The following SOX30 variants were observed in gnomAD, a reference collection of about 807,000 sequenced individuals.
SOX30 encodes transcription factor SOX-30.
SOX30 carries 17 observed loss-of-function variants against 58.6 expected under a neutral mutation model. That is an observed-to-expected ratio of 0.29 (90% CI 0.20 to 0.44). SOX30 has a LOEUF of 0.44. Among genes scored for constraint, SOX30 ranks in the 20% least tolerant of loss-of-function variants. SOX30 has a pLI of 1.00. For missense variants in SOX30, 951 were observed against 965.8 expected (o/e 0.98, Z 0.20); for synonymous variants, 421 against 400.2 (o/e 1.05, Z -0.62).
At chr5:157,650,323 A>T (rs1000710261) in intron 1 of SOX30, among the ~76,000 whole-genome samples, 1 of 152,112 alleles carries the variant, frequency 6.6e-6, no homozygotes, top group Non-Finnish European at 1.5e-5. Context: ...CAACACAGAA[A>T]ATTAAAAAAA....
intron 2 of SOX30, 94 bp downstream of exon 2, chr5:157,648,563 T>A (rs999669871): frequency 4.2e-6 from 5 of 1,180,690 alleles, no homozygotes; most frequent in Non-Finnish European, 4.8e-6. Context: ...CAGAAAAAAA[T>A]TATATATTTT....
chr5:157,648,568 T>A, intron 2 of SOX30, 89 bp downstream of exon 2: 1 of 1,219,528 alleles, frequency 8.2e-7, no homozygotes, highest in Non-Finnish European at 1.1e-6. Flanking sequence ...AAAAATTATA[T>A]ATTTTTGTCT....
intron 1 of SOX30, among the ~76,000 whole-genome samples, chr5:157,669,164 T>C (rs1759725519): frequency 1.3e-5 from 2 of 152,110 alleles, no homozygotes; most frequent in African/African-American, 4.8e-5. Context: ...CAAGGCACAA[T>C]GCCTGGGTGC....
chr5:157,633,819 T>C lies in SOX30; in HGVS notation c.1880+4411A>G, dbSNP rs78603277. ...AGTGTATTTTCCATATATTTCAAGA[T>C]AGTAAATCCCCATTTGTCTTCATAT... On this transcript the variant is annotated intron_variant, in intron 4 of 4. Coordinates refer to ENST00000265007, the MANE Select transcript of SOX30 (RefSeq NM_178424.2). Among the ~76,000 whole-genome samples the C allele has an allele frequency of 1.7e-3, 258 of 152,334 alleles. 1 individual carries two copies. Among genetic ancestry groups the C allele is most frequent in the African/African-American group, 5.3e-3 (219 of 41,586 alleles).
chr5:157,658,128 C>T (rs1216818845), intron 2 of SOX30, among the ~76,000 whole-genome samples: 1 of 152,302 alleles, frequency 6.6e-6, no homozygotes, highest in East Asian at 1.9e-4. Flanking sequence ...TATGGCAGGG[C>T]TCAGCTCTGA....
intron 4 of SOX30, among the ~76,000 whole-genome samples, chr5:157,630,311 C>T (rs1174614271): frequency 6.6e-6 from 1 of 152,130 alleles, no homozygotes; most frequent in Admixed American, 6.6e-5. Context: ...GGGATAGTTA[C>T]TATTAATATT....
chr5:157,669,773 C>T (rs1759743319), intron 1 of SOX30, among the ~76,000 whole-genome samples: 1 of 152,080 alleles, frequency 6.6e-6, no homozygotes. Flanking sequence ...CCCGCCTTAG[C>T]CTCACAAAGT....
rs560956495 is a variant in SOX30, at chr5:157,641,131, G to A, written c.1388-2409C>T. ...AGGGTGGGTGCCATGGCTCACATTT[G>A]TAATCCCAACACTTTGGAAGGCCAA... On this transcript the variant is annotated intron_variant, in intron 3 of 4. Transcript: ENST00000265007. Among the ~76,000 whole-genome samples the A allele has an allele frequency of 1.3e-3, 193 of 152,160 alleles. 1 individual carries two copies. The highest frequency in any genetic ancestry group is 4.1e-3 in the African/African-American group (169 of 41,514).
upstream of SOX30, among the ~76,000 whole-genome samples, chr5:157,656,096 C>T (rs766674171): frequency 1.3e-5 from 2 of 152,112 alleles, no homozygotes; most frequent in East Asian, 1.9e-4. Context: ...AGTGGTGGCC[C>T]GGGTTCAGGG....
chr5:157,629,486 G>A (rs1180710592), intron 4 of SOX30, among the ~76,000 whole-genome samples: 1 of 152,150 alleles, frequency 6.6e-6, no homozygotes, highest in East Asian at 1.9e-4. Context: ...GACTATTTTG[G>A]TGTGGTAAAG....
At chr5:157,631,908 T>A (rs1198844184) in intron 4 of SOX30, among the ~76,000 whole-genome samples, 3 of 150,260 alleles carry the variant, frequency 2.0e-5, no homozygotes, top group African/African-American at 4.9e-5. Flanking sequence ...CTGGGCATGG[T>A]GGTGCACACC....
intron 3 of SOX30, among the ~76,000 whole-genome samples, chr5:157,640,281 A>G (rs1295072761): frequency 6.6e-6 from 1 of 152,226 alleles, no homozygotes; most frequent in African/African-American, 2.4e-5. Flanking sequence ...TTAATAAAAA[A>G]TAGTTAAGAA....
rs145648322 is a variant in SOX30, at chr5:157,630,361, G to A, written c.1881-3640C>T. On this transcript the variant is annotated intron_variant, in intron 4 of 4. Transcript: ENST00000265007. ...GCCCTACTTTCTTGTTTCTTTGCAT[G>A]TCTTGTAACTTTTTTGTTGAAAACT... is the stretch of plus-strand genomic sequence containing the variant. Among the ~76,000 whole-genome samples, 441 of 152,230 alleles carry A rather than the reference G, an allele frequency of 2.9e-3. 4 individuals carry two copies. The highest frequency in any genetic ancestry group is 9.8e-3 in the African/African-American group (408 of 41,540).
chr5:157,658,431 A>G (rs1161558198), intron 2 of SOX30, among the ~76,000 whole-genome samples: 1 of 152,196 alleles, frequency 6.6e-6, no homozygotes, highest in African/African-American at 2.4e-5. Context: ...TGAACCAACT[A>G]GTGACATCTG....
intron 2 of SOX30, among the ~76,000 whole-genome samples, chr5:157,662,353 T>G (rs958812635): frequency 6.6e-6 from 1 of 152,194 alleles, no homozygotes; most frequent in Admixed American, 6.5e-5. Context: ...TATTGATTTC[T>G]GCTGTGGTCT....
At chr5:157,664,169 G>T (rs1426570309) in intron 2 of SOX30, among the ~76,000 whole-genome samples, 3 of 151,900 alleles carry the variant, frequency 2.0e-5, no homozygotes, top group African/African-American at 7.3e-5. Context: ...AAGCTGGAGG[G>T]ATCACGCTAC....
At chr5:157,637,630 A>T (rs2113838149) in intron 4 of SOX30, among the ~76,000 whole-genome samples, 1 of 152,320 alleles carries the variant, frequency 6.6e-6, no homozygotes, top group East Asian at 1.9e-4. Context: ...ACCTCAATAC[A>T]TTTGACTAAA....
intron 3 of SOX30, among the ~76,000 whole-genome samples, chr5:157,642,811 C>T (rs1759102186): frequency 1.3e-5 from 2 of 152,116 alleles, no homozygotes; most frequent in Admixed American, 1.3e-4. Context: ...AAAGTCAATA[C>T]TAATTGACTC....
At chr5:157,666,458 A>G (rs1056397069) in intron 2 of SOX30, among the ~76,000 whole-genome samples, 1 of 147,956 alleles carries the variant, frequency 6.8e-6, no homozygotes, top group African/African-American at 2.5e-5. Context: ...TGCCCAGATG[A>G]AAGATTCTTT....
Sources: gnomAD v4.1 joint callset for allele counts (sites outside exome capture counted in the v4.1 genomes callset) on GRCh38, gnomAD v4.1.1 for gene constraint, MANE v1.5 for transcripts, NCBI Gene and HGNC (gene_info 2026-07-23, HGNC 2026-07-21) for gene names.